The following RAPGEF5 variants were observed in gnomAD, a reference collection of about 807,000 sequenced individuals.
RAPGEF5 encodes Rap guanine nucleotide exchange factor 5, also known as M-Ras-regulated GEF.
RAPGEF5 carries 65 observed loss-of-function variants against 125.2 expected under a neutral mutation model. The observed-to-expected ratio is 0.52, with a 90% CI of 0.43 to 0.64. RAPGEF5 has a LOEUF of 0.64. Among genes scored for constraint, RAPGEF5 ranks in the 30% least tolerant of loss-of-function variants. The pLI is 0.00. For missense variants in RAPGEF5, 958 were observed against 1,048.1 expected, an observed-to-expected ratio of 0.91 and a Z score of 1.19; for synonymous variants, 391 against 385.9, an observed-to-expected ratio of 1.01 and a Z score of -0.16.
chr7:22,203,927 T>C (rs992893571), intron 9 of RAPGEF5, among the ~76,000 whole-genome samples: 3 of 152,038 alleles, frequency 2.0e-5, no homozygotes, highest in Non-Finnish European at 4.4e-5. Flanking sequence ...TCCTGAAATG[T>C]AGAAGAAGAA....
At chr7:22,216,268 G>A (rs947202374) in intron 9 of RAPGEF5, among the ~76,000 whole-genome samples, 20 of 152,178 alleles carry the variant, frequency 1.3e-4, no homozygotes, top group African/African-American at 4.6e-4. Flanking sequence ...ATCTGATTAT[G>A]CCACTTCCCT....
intron 11 of RAPGEF5, among the ~76,000 whole-genome samples, chr7:22,188,914 C>T (rs1784905229): frequency 6.6e-6 from 1 of 152,020 alleles, no homozygotes; most frequent in African/African-American, 2.4e-5. Flanking sequence ...TTTTCAATCA[C>T]ATGCTCAACC....
chr7:22,131,745 G>A (rs571246273), intron 23 of RAPGEF5, among the ~76,000 whole-genome samples: 141 of 152,278 alleles, frequency 9.3e-4, no homozygotes, highest in Admixed American at 3.0e-3. Context: ...ATTTTCAGAG[G>A]AAGATAAAGT....
intron 2 of RAPGEF5, among the ~76,000 whole-genome samples, chr7:22,315,813 T>A (rs1482358577): frequency 6.6e-6 from 1 of 151,904 alleles, no homozygotes; most frequent in East Asian, 1.9e-4. Context: ...AATATAATAT[T>A]TATATCAATA....
chr7:22,146,079 C>T (rs1175966210), intron 19 of RAPGEF5, among the ~76,000 whole-genome samples: 1 of 151,978 alleles, frequency 6.6e-6, no homozygotes, highest in Admixed American at 6.6e-5. Context: ...AGACACAAGT[C>T]ATTTAGTCTG....
At chr7:22,332,159 A>G (rs1783935053) in intron 1 of RAPGEF5, among the ~76,000 whole-genome samples, 1 of 152,220 alleles carries the variant, frequency 6.6e-6, no homozygotes, top group African/African-American at 2.4e-5. Context: ...CTGAAATTAC[A>G]AATTTACTTG....
chr7:22,330,244 G>A (rs545896234), intron 1 of RAPGEF5, among the ~76,000 whole-genome samples: 1 of 152,230 alleles, frequency 6.6e-6, no homozygotes, highest in Non-Finnish European at 1.5e-5. Flanking sequence ...TCTAGGTAAA[G>A]AGCTGAGAAA....
chr7:22,148,909 C>A (rs888218349), intron 18 of RAPGEF5, among the ~76,000 whole-genome samples: 8 of 152,146 alleles, frequency 5.3e-5, no homozygotes, highest in Non-Finnish European at 1.0e-4. Context: ...AAATCAATCT[C>A]ATTATTTACT....
chr7:22,125,927 C>T (rs574389778), intron 24 of RAPGEF5, among the ~76,000 whole-genome samples: 39 of 152,286 alleles, frequency 2.6e-4, no homozygotes, highest in Admixed American at 2.2e-3. Context: ...GTGGGCGGAT[C>T]ACTTGAGGTC....
Position 22,140,089 on chromosome 7 carries a change from G to T in RAPGEF5, c.2213C>A (p.Ser738Tyr). 1 of 1,562,988 alleles carries T rather than the reference G, an allele frequency of 6.4e-7. No individual in the cohort carries two copies. Residue 738 changes from serine to tyrosine, a missense_variant, in exon 21 of 26, where the codon TCT becomes TAT. Ser to Tyr is a moderately radical substitution (Grantham distance 144). Transcript: ENST00000665637. Reference sequence around the variant, plus strand: ...GAGACCCATCACAATGGCAAAGAAAGAATTCAGGTTTCTCTGGGCTTTGCA... The same window carrying T: ...GAGACCCATCACAATGGCAAAGAAATAATTCAGGTTTCTCTGGGCTTTGCA... ...AHCKAQRNLN[S>Y]FFAIVMGLNT...
At chr7:22,223,585 T>C (rs1266080571) in intron 8 of RAPGEF5, among the ~76,000 whole-genome samples, 1 of 152,148 alleles carries the variant, frequency 6.6e-6, no homozygotes, top group African/African-American at 2.4e-5. Context: ...CAAAATTTGA[T>C]GATGCAGGAG....
rs75346112 is a variant in RAPGEF5 at position 22,163,494 on chromosome 7, G to A, written c.1284-953C>T. On this transcript the variant is annotated intron_variant, in intron 12 of 25. Transcript: ENST00000665637. Reference sequence around the variant, plus strand: ...TTTATATGATTAATGTCACTATCTGGAGGGATATATACTGAATAGTTAACA... The same window carrying A: ...TTTATATGATTAATGTCACTATCTGAAGGGATATATACTGAATAGTTAACA... 4.7e-3 allele frequency among the ~76,000 whole-genome samples: 723 copies of A among 152,272 alleles called. 10 individuals carry two copies. Among genetic ancestry groups the A allele is most frequent in the African/African-American group, 0.017 (703 of 41,556 alleles).
chr7:22,335,411 A>G (rs1784006787), intron 1 of RAPGEF5, among the ~76,000 whole-genome samples: 1 of 152,192 alleles, frequency 6.6e-6, no homozygotes, highest in Non-Finnish European at 1.5e-5. Flanking sequence ...CTTTTTATCC[A>G]GTCAGTTCCC....
chr7:22,242,731 C>T (rs1375628401), intron 7 of RAPGEF5, among the ~76,000 whole-genome samples: 1 of 152,084 alleles, frequency 6.6e-6, no homozygotes, highest in Non-Finnish European at 1.5e-5. Flanking sequence ...GCAGGCGGAT[C>T]ACCTGAGGAC....
intron 6 of RAPGEF5, among the ~76,000 whole-genome samples, chr7:22,277,834 T>A (rs1037766591): frequency 6.6e-6 from 1 of 152,194 alleles, no homozygotes; most frequent in Admixed American, 6.5e-5. Context: ...AGTTCTCTCC[T>A]TTATTTTAAA....
chr7:22,208,187 T>C (rs1018771564), intron 9 of RAPGEF5, among the ~76,000 whole-genome samples: 6 of 152,200 alleles, frequency 3.9e-5, no homozygotes, highest in Non-Finnish European at 8.8e-5. Context: ...GTCTTGTTCA[T>C]AGGTGCTCAA....
chr7:22,279,078 G>A (rs1782618605), intron 6 of RAPGEF5, among the ~76,000 whole-genome samples: 1 of 152,074 alleles, frequency 6.6e-6, no homozygotes, highest in Admixed American at 6.6e-5. Context: ...ATATTCCACT[G>A]AATCCATAGG....
intron 8 of RAPGEF5, among the ~76,000 whole-genome samples, chr7:22,223,138 G>C (rs1785833538): frequency 2.6e-5 from 4 of 152,106 alleles, no homozygotes; most frequent in African/African-American, 9.7e-5. Context: ...CAATGGAATG[G>C]TGTAAATCCA....
chr7:22,182,065 T>G (rs944944390), intron 11 of RAPGEF5, among the ~76,000 whole-genome samples: 1 of 152,172 alleles, frequency 6.6e-6, no homozygotes, highest in Non-Finnish European at 1.5e-5. Context: ...CCACTAATAC[T>G]CCTTCCTCAC....
Sources: allele counts gnomAD v4.1 joint callset (sites outside exome capture counted in the v4.1 genomes callset), GRCh38; gene constraint gnomAD v4.1.1; transcripts MANE v1.5; gene names NCBI Gene and HGNC (gene_info 2026-07-23, HGNC 2026-07-21).